The following ANKRD24 variants were observed in gnomAD, a reference collection of about 807,000 sequenced individuals.
ANKRD24 encodes the protein ankyrin repeat domain-containing protein 24.
ANKRD24 carries 109 observed loss-of-function variants against 127.8 expected under a neutral mutation model. The ratio of observed to expected loss-of-function variants is 0.85; its 90% confidence interval spans 0.73 to 1.00. ANKRD24 has a LOEUF of 1.00. ANKRD24 is among the 50% of genes least tolerant of loss of function. The pLI is 0.00. For missense variants in ANKRD24, 1,648 were observed against 1,570.2 expected, an observed-to-expected ratio of 1.05 and a Z score of -0.84; for synonymous variants, 743 against 671.1, an observed-to-expected ratio of 1.11 and a Z score of -1.66.
intron 2 of ANKRD24, among the ~76,000 whole-genome samples, chr19:4,196,009 G>A (rs8108746): frequency 0.53 from 81,092 of 152,030 alleles, 21,932 homozygotes; most frequent in African/African-American, 0.58. Flanking sequence ...ACACTTGCCA[G>A]TGTTGGGATA....
intron 9 of ANKRD24, 70 bp downstream of exon 9, chr19:4,207,677 G>A (rs1969470406): frequency 1.9e-6 from 3 of 1,602,064 alleles, no homozygotes; most frequent in Non-Finnish European, 2.6e-6. Context: ...ACCTAAGTAA[G>A]ACGATCTAGC....
At position 4,210,298 on chromosome 19, in the gene ANKRD24, C is replaced by T. The variant is rs1370484183; in HGVS notation, c.985C>T (p.Leu329=). 6.3e-7 allele frequency: 1 copy of T among 1,588,240 alleles called. No homozygotes were observed. Among genetic ancestry groups the T allele is most frequent in the East Asian group, 2.3e-5 (1 of 43,698 alleles). ...AGATGCCTATGAGGAGATCGTGAGG[C>T]TGCGGCAGGAGAGGGGCCGCCTCCT... is the stretch of plus-strand genomic sequence containing the variant. ...DRDAYEEIVR[L]RQERGRLLQK... The change falls in exon 13 of 22, where the codon CTG becomes TTG. Residue 329 remains leucine, a synonymous_variant. Transcript: ENST00000318934.
At position 4,195,358 on chromosome 19, in the gene ANKRD24, G is replaced by A. The variant is rs1046812061; in HGVS notation, c.37-4325G>A. ...CAAAGTGCTGGGATGACAGGCGTGAGCCACCATGCCTGGCCATTTGCTCTG... is the reference window on the plus strand; with the variant it reads ...CAAAGTGCTGGGATGACAGGCGTGAACCACCATGCCTGGCCATTTGCTCTG... On this transcript the variant is annotated intron_variant, in intron 2 of 21. Coordinates refer to ENST00000318934, the MANE Select transcript of ANKRD24 (RefSeq NM_001393985.1). The surrounding 1 kb of genome is among the most constrained non-coding windows in gnomAD (Gnocchi z 4.2). Among the ~76,000 whole-genome samples the A allele has an allele frequency of 7.2e-5, 11 of 152,032 alleles. No individual in the cohort carries two copies. The highest frequency in any genetic ancestry group is 2.2e-4 in the African/African-American group (9 of 41,398).
At chr19:4,218,392 C>T (rs1225317931) in intron 18 of ANKRD24, among the ~76,000 whole-genome samples, 1 of 151,208 alleles carries the variant, frequency 6.6e-6, no homozygotes, top group Admixed American at 6.6e-5. Flanking sequence ...CTCCTCTTTC[C>T]CGGTTCAAGT....
rs773437630 is a variant in ANKRD24 at position 4,195,636 on chromosome 19, G to A, written c.37-4047G>A. Reference sequence around the variant, plus strand: ...AAGAGGGCCGGGCGCAGTGGCTCACGCCTGTAATCCCAACACTTTGAGAGG... The same window carrying A: ...AAGAGGGCCGGGCGCAGTGGCTCACACCTGTAATCCCAACACTTTGAGAGG... On this transcript the variant is annotated intron_variant, in intron 2 of 21. Coordinates refer to ENST00000318934, the MANE Select transcript of ANKRD24 (RefSeq NM_001393985.1). The surrounding 1 kb of genome is among the most constrained non-coding windows in gnomAD (Gnocchi z 4.2). 3.4e-4 allele frequency among the ~76,000 whole-genome samples: 51 copies of A among 152,232 alleles called. No individual in the cohort carries two copies. The highest frequency in any genetic ancestry group is 3.4e-3 in the Middle Eastern group (1 of 294).
chr19:4,221,104 A>G (rs1970417355), intron 19 of ANKRD24, among the ~76,000 whole-genome samples: 1 of 151,416 alleles, frequency 6.6e-6, no homozygotes. Context: ...TTTGAGAGAA[A>G]GTTTCACTCT....
intron 15 of ANKRD24, among the ~76,000 whole-genome samples, chr19:4,213,871 G>A (rs1568336362): frequency 6.6e-6 from 1 of 152,112 alleles, no homozygotes; most frequent in Admixed American, 6.6e-5. Flanking sequence ...CTGACCTCAG[G>A]TGAACCGCCT....
chr19:4,190,353 G>A (rs2145225054), intron 2 of ANKRD24, among the ~76,000 whole-genome samples: 2 of 151,354 alleles, frequency 1.3e-5, no homozygotes, highest in Middle Eastern at 6.9e-3. Context: ...GAACCTGGGA[G>A]GTGGAGCTTG....
At chr19:4,206,773 T>C (rs59315653) in intron 7 of ANKRD24, among the ~76,000 whole-genome samples, 51,212 of 152,014 alleles carry the variant, frequency 0.34, 9,766 homozygotes, top group Non-Finnish European at 0.43. Context: ...AAACTTGCCT[T>C]TGTTACAAAT....
At chr19:4,190,279 C>CA (rs1291295338) in intron 2 of ANKRD24, among the ~76,000 whole-genome samples, 1 of 151,922 alleles carries the variant, frequency 6.6e-6, no homozygotes, top group Non-Finnish European at 1.5e-5. Context: ...ACTAAAAATA[C>CA]AAAAAATCAG....
At chr19:4,216,217 C>G in intron 16 of ANKRD24, 67 bp from the exon 17 acceptor site, 1 of 1,477,458 alleles carries the variant, frequency 6.8e-7, no homozygotes, top group Non-Finnish European at 9.2e-7. Flanking sequence ...ATCCACCACT[C>G]CAGCCCCCCA....
At chr19:4,191,779 G>C (rs1031670084) in intron 2 of ANKRD24, among the ~76,000 whole-genome samples, 5 of 135,722 alleles carry the variant, frequency 3.7e-5, no homozygotes, top group Admixed American at 2.4e-4. Flanking sequence ...ACCGTCCCCA[G>C]CCTATTTATT....
chr19:4,201,511 G>A (rs12977487), intron 5 of ANKRD24, among the ~76,000 whole-genome samples: 22,788 of 151,986 alleles, frequency 0.15, 1,978 homozygotes, highest in East Asian at 0.34. Context: ...GTGGACAGTC[G>A]CTGAGATGGG....
Position 4,198,919 on chromosome 19 carries a change from G to A in ANKRD24, c.37-764G>A, listed in dbSNP as rs1968928027. 1.3e-5 allele frequency among the ~76,000 whole-genome samples: 2 copies of A among 152,140 alleles called. No individual in the cohort carries two copies. Among genetic ancestry groups the A allele is most frequent in the African/African-American group, 2.4e-5 (1 of 41,430 alleles). On this transcript the variant is annotated intron_variant, in intron 2 of 21. Transcript: ENST00000318934. This position sits in a 1 kb window ranked among gnomAD's most constrained non-coding sequence, Gnocchi z 6.1. Reference sequence around the variant, plus strand: ...GAGAACAGTTTGGGAGAACATTTGAGGGATGTTTTTGGAGGATATTTTTGG... The same window carrying A: ...GAGAACAGTTTGGGAGAACATTTGAAGGATGTTTTTGGAGGATATTTTTGG...
In ANKRD24 at chr19:4,198,595, C is replaced by G. The variant is rs1968907735; in HGVS notation, c.37-1088C>G. ...GCGGGTACCTCCTCTCCCCTCCCTT[C>G]CCCGTCCCCGGCTGACCTGGACCAC... On this transcript the variant is annotated intron_variant, in intron 2 of 21. Coordinates refer to ENST00000318934, the MANE Select transcript of ANKRD24 (RefSeq NM_001393985.1). This position sits in a 1 kb window ranked among gnomAD's most constrained non-coding sequence, Gnocchi z 6.1. 6.8e-6 allele frequency: 3 copies of G among 443,666 alleles called. No individual in the cohort carries two copies. The East Asian group carries it at 1.1e-4, about 16-fold the overall frequency. 27.5% of individuals were successfully genotyped at this position (443,666 alleles called of 1,614,324 possible). A position where few individuals can be genotyped will look rare whatever the true frequency, so the allele number is the denominator to read the frequency against.
In ANKRD24 at chr19:4,197,820, A is replaced by C. The variant is rs115788410; in HGVS notation, c.37-1863A>C. ...AAGTGAATGAACGAATGGGTGAGTG[A>C]ATTAATGCATGAAAGGGTGAGCGAA... On this transcript the variant is annotated intron_variant, in intron 2 of 21. Transcript: ENST00000318934. 4.8e-3 allele frequency among the ~76,000 whole-genome samples: 725 copies of C among 152,328 alleles called. 6 individuals carry two copies. Among genetic ancestry groups the C allele is most frequent in the African/African-American group, 0.017 (697 of 41,572 alleles).
In ANKRD24 at chr19:4,199,800, C is replaced by T. The variant is rs759871666; in HGVS notation, c.123+31C>T. The T allele has an allele frequency of 1.9e-5, 29 of 1,515,824 alleles. No homozygotes were observed. In the Admixed American group the frequency reaches 4.3e-4, roughly 23 times the overall value. The allele number at this position is 1,515,824 out of a possible 1,614,324, so 93.9% of individuals were successfully genotyped here. On this transcript the variant is annotated intron_variant, in intron 3 of 21. Coordinates refer to ENST00000318934, the MANE Select transcript of ANKRD24 (RefSeq NM_001393985.1). This position sits in a 1 kb window ranked among gnomAD's most constrained non-coding sequence, Gnocchi z 5.2. Reference sequence around the variant, plus strand: ...TGCCCAGGGGCAGGTGGTGAGAGCCCGGAGCCCCTGTCGGGGGCGTGGGGA... The same window carrying T: ...TGCCCAGGGGCAGGTGGTGAGAGCCTGGAGCCCCTGTCGGGGGCGTGGGGA...
intron 18 of ANKRD24, among the ~76,000 whole-genome samples, chr19:4,218,898 G>A (rs985781062): frequency 4.6e-5 from 7 of 151,872 alleles, no homozygotes; most frequent in African/African-American, 1.7e-4. Flanking sequence ...CTCCCAAGTA[G>A]CTGGTACCAC....
At chr19:4,201,432 G>T (rs1969088993) in intron 5 of ANKRD24, among the ~76,000 whole-genome samples, 1 of 152,096 alleles carries the variant, frequency 6.6e-6, no homozygotes, top group Non-Finnish European at 1.5e-5. Flanking sequence ...CTTTGGTGTA[G>T]TGGACCCTGT....
Sources: allele counts gnomAD v4.1 joint callset (sites outside exome capture counted in the v4.1 genomes callset), GRCh38; gene constraint gnomAD v4.1.1; non-coding constraint Gnocchi (gnomAD v3.1); transcripts MANE v1.5; gene names NCBI Gene and HGNC (gene_info 2026-07-23, HGNC 2026-07-21).